The following KIFC3 variants were observed in gnomAD, a reference collection of about 807,000 sequenced individuals.
The protein encoded by KIFC3 is kinesin family member C3, also known as kinesin-like protein KIFC3.
A neutral mutation model predicts 101.8 loss-of-function variants in KIFC3; 60 were observed. The observed-to-expected ratio is 0.59, with a 90% CI of 0.48 to 0.73. KIFC3 has a LOEUF of 0.73. Among genes scored for constraint, KIFC3 ranks in the 30% least tolerant of loss-of-function variants. The probability of loss-of-function intolerance (pLI) is 0.00; values close to 1 mark genes in which losing one functional copy is unlikely to be tolerated. For missense variants in KIFC3, 966 were observed against 1,137.1 expected (o/e 0.85, Z 2.16); for synonymous variants, 476 against 482.7 (o/e 0.99, Z 0.18).
chr16:57,780,667 A>ATTTTTTTTTTTT, intron 3 of KIFC3, among the ~76,000 whole-genome samples: 1 of 69,936 alleles, frequency 1.4e-5, no homozygotes, highest in Non-Finnish European at 2.5e-5. Flanking sequence ...CTGAAGACAA[A>ATTTTTTTTTTTT]TTTTTTTTTT....
chr16:57,840,760 CAAAAAA>C (rs11447265), intron 1 of KIFC3, among the ~76,000 whole-genome samples: 1 of 100,120 alleles, frequency 1.0e-5, no homozygotes, highest in African/African-American at 3.6e-5. Flanking sequence ...AACTCTGTCT[CAAAAAA>C]AAAAAAAAAA....
At position 57,798,138 on chromosome 16, in the gene KIFC3, C is replaced by T. The variant is rs1490379083; in HGVS notation, c.106G>A (p.Ala36Thr). ...GCGGCCGGGCTGGCTGGGGCTGGGG[C>T]GGGGCGAGCCATCCCCGGCTCGGGC... ...PEPEPGMARP[A>T]PAPASPAARP... Residue 36 changes from alanine to threonine, a missense_variant, in exon 2 of 20, where the codon GCC becomes ACC. Coordinates refer to ENST00000445690, the MANE Select transcript of KIFC3 (RefSeq NM_001130100.2). 14 of 1,554,284 alleles carry T rather than the reference C, an allele frequency of 9.0e-6. No individual in the cohort carries two copies. The highest frequency in any genetic ancestry group is 1.8e-4 in the Middle Eastern group (1 of 5,608).
rs782339608 is a variant in KIFC3, at chr16:57,760,925, G to A, written c.2033C>T (p.Ser678Leu). Residue 678 changes from serine to leucine, a missense_variant, in exon 16 of 20, where the codon TCG (serine) becomes TTG (leucine). Ser to Leu is a moderately radical substitution (Grantham distance 145). Around this residue, in one of 2 missense-constraint regions of KIFC3, gnomAD observed 689 missense variants for 884.6 expected, o/e 0.78. Coordinates refer to ENST00000445690, the MANE Select transcript of KIFC3 (RefSeq NM_001130100.2). ...GGCCCCCGACTTGCCCACGCGCTCC[G>A]AGCCAGCCAAGTCCACCAGGTTCAG... ...GKLNLVDLAG[S>L]ERVGKSGAEG... 18 of 1,607,134 alleles carry A rather than the reference G, an allele frequency of 1.1e-5. No individual in the cohort carries two copies. The highest frequency in any genetic ancestry group is 2.7e-5 in the African/African-American group (2 of 74,834).
intron 3 of KIFC3, among the ~76,000 whole-genome samples, chr16:57,777,660 G>A (rs537124073): frequency 6.6e-6 from 1 of 151,882 alleles, no homozygotes; most frequent in Non-Finnish European, 1.5e-5. Context: ...GGCAGAGGTC[G>A]CAGTGAGCTG....
chr16:57,770,009 A>G, intron 7 of KIFC3, 54 bp from the exon 8 acceptor site: 1 of 1,576,826 alleles, frequency 6.3e-7, no homozygotes, highest in Non-Finnish European at 8.6e-7. Context: ...AGAGAGGGGC[A>G]GGTGCCACAC....
rs554896062 is a variant in KIFC3, at chr16:57,788,625, C to T, written c.315+6374G>A. ...ACCAGCTTCCCGGGCCTCCCGGGCC[C>T]GCCTGGGGGCCGGCGCCTGTCTCTT... On this transcript the variant is annotated intron_variant, in intron 3 of 19. Transcript: ENST00000445690. The T allele has an allele frequency of 1.9e-5, 24 of 1,289,520 alleles. 1 individual carries two copies. Among genetic ancestry groups the T allele is most frequent in the African/African-American group, 6.1e-5 (4 of 65,976 alleles). The allele number at this position is 1,289,520 out of a possible 1,614,324, so 79.9% of individuals were successfully genotyped here.
rs143258696 is a variant in KIFC3, at chr16:57,850,278, C to A, written c.108+12451G>T. On this transcript the variant is annotated intron_variant, in intron 1 of 2. Coordinates refer to the KIFC3 transcript ENST00000563028. ...ATTAGCCGGGCATGGTGGCATGCAC[C>A]TGTAGTCCCAGCTATTCAGGAGGCT... Among the ~76,000 whole-genome samples, 452 of 150,884 alleles carry A rather than the reference C, an allele frequency of 3.0e-3. 5 individuals are homozygous for A. Among genetic ancestry groups the A allele is most frequent in the African/African-American group, 0.011 (442 of 41,128 alleles).
intron 3 of KIFC3, among the ~76,000 whole-genome samples, chr16:57,784,175 G>A (rs1250547723): frequency 2.0e-5 from 3 of 152,234 alleles, no homozygotes; most frequent in Admixed American, 6.5e-5. Context: ...GGTATCCCCC[G>A]TGCCCAGCTC....
chr16:57,761,422 G>C lies in KIFC3; in HGVS notation c.1863C>G (p.Asp621Glu). The C allele has an allele frequency of 1.2e-6, 2 of 1,614,030 alleles. No homozygotes were observed. Among genetic ancestry groups the C allele is most frequent in the Non-Finnish European group, 1.7e-6 (2 of 1,179,934 alleles). The change falls in exon 14 of 20, where the codon GAC becomes GAG. Residue 621 changes from aspartate (D) to glutamate (E), a missense_variant. By Grantham distance (45) the Asp-to-Glu change is conservative. Around this residue, in one of 2 missense-constraint regions of KIFC3, gnomAD observed 689 missense variants for 884.6 expected, o/e 0.78. Transcript: ENST00000445690. ...GCTCCCGCCTCCACACCTTGTTGAT[G>C]TCGTCCACGCTCTGCACTTGGAACT... ...LTEFQVQSVD[D>E]INKVFEFGHT... is the part of the protein sequence containing the mutation.
At position 57,798,206 on chromosome 16, in the gene KIFC3, G is replaced by T. The variant is rs782518915; in HGVS notation, c.38C>A (p.Thr13Lys). Residue 13 changes from threonine to lysine, a missense_variant, in exon 2 of 20, where the codon ACG becomes AAG. This residue lies in a region of KIFC3 where 277 missense variants were observed against 252.5 expected (regional missense o/e 1.10). Transcript: ENST00000445690. Reference protein sequence around the residue: ...PSRRTWNLGATPSLRGLWRVG... With the variant: ...PSRRTWNLGAKPSLRGLWRVG... ...TCTCCACAGGCCCCGCAGCGAGGGC[G>T]TGGCTCCCAGGTTCCACGTCCTGCG... is the stretch of plus-strand genomic sequence containing the variant. 2 of 1,546,322 alleles carry T rather than the reference G, an allele frequency of 1.3e-6. No homozygotes were observed. Among genetic ancestry groups the T allele is most frequent in the Non-Finnish European group, 1.7e-6 (2 of 1,145,938 alleles).
Position 57,758,829 on chromosome 16 carries a change from G to A in KIFC3, c.*105C>T, listed in dbSNP as rs782688293. The A allele has an allele frequency of 6.2e-7, 1 of 1,601,510 alleles. No individual in the cohort carries two copies. Among genetic ancestry groups the A allele is most frequent in the Non-Finnish European group, 8.5e-7 (1 of 1,171,552 alleles). On this transcript the variant is annotated 3_prime_UTR_variant, in exon 20 of 20. Transcript: ENST00000445690. Reference sequence around the variant, plus strand: ...CTCTACCTCCGGGGGTCCTGGCGCTGCAGCAGGGACAGGCCAGTGAGGGCC... The same window carrying A: ...CTCTACCTCCGGGGGTCCTGGCGCTACAGCAGGGACAGGCCAGTGAGGGCC...
At chr16:57,784,922 A>G (rs1478576564) in intron 3 of KIFC3, among the ~76,000 whole-genome samples, 3 of 152,182 alleles carry the variant, frequency 2.0e-5, no homozygotes, top group African/African-American at 7.2e-5. Context: ...GACAACGCTG[A>G]CCTGCATGAA....
At chr16:57,836,801 C>A (rs187988005) in intron 1 of KIFC3, among the ~76,000 whole-genome samples, 14 of 152,250 alleles carry the variant, frequency 9.2e-5, no homozygotes, top group African/African-American at 3.4e-4. Flanking sequence ...ATACAATCCT[C>A]CCACCTCAGC....
At position 57,761,584 on chromosome 16, in the gene KIFC3, C is replaced by T. The variant is rs781962013; in HGVS notation, c.1749-48G>A. On this transcript the variant is annotated intron_variant, in intron 13 of 19. Coordinates refer to ENST00000445690, the MANE Select transcript of KIFC3 (RefSeq NM_001130100.2). ...CACCCCCTCCTCCCATTTCCAGCTG[C>T]TGTTTGCACTGCACCCAGCCCCCCA... The T allele has an allele frequency of 3.1e-6, 5 of 1,593,924 alleles. No individual in the cohort carries two copies. The Admixed American group carries it at 6.7e-5, about 21-fold the overall frequency.
chr16:57,778,739 T>C (rs1330935451), intron 3 of KIFC3, among the ~76,000 whole-genome samples: 1 of 152,044 alleles, frequency 6.6e-6, no homozygotes, highest in Non-Finnish European at 1.5e-5. Context: ...GCACACCTAT[T>C]AGGATGGCTG....
intron 9 of KIFC3, among the ~76,000 whole-genome samples, chr16:57,768,243 G>A (rs1396207387): frequency 6.6e-6 from 1 of 152,140 alleles, no homozygotes. Flanking sequence ...CTATCCAGGA[G>A]GCTGAGGCAG....
chr16:57,845,833 TTTCCTC>T (rs1381317899), intron 1 of KIFC3, among the ~76,000 whole-genome samples: 2 of 152,200 alleles, frequency 1.3e-5, no homozygotes, highest in African/African-American at 4.8e-5. Context: ...TATTCCCTGT[TTTCCTC>T]TGTGAGGGAG....
chr16:57,819,929 C>A (rs1011724240), intron 1 of KIFC3, among the ~76,000 whole-genome samples: 2 of 151,934 alleles, frequency 1.3e-5, no homozygotes, highest in African/African-American at 4.8e-5. Context: ...AGTGCAATGG[C>A]ACGATCTCGG....
chr16:57,797,925 C>G, intron 2 of KIFC3, 147 bp downstream of exon 2: 1 of 1,511,928 alleles, frequency 6.6e-7, no homozygotes, highest in South Asian at 1.3e-5. Context: ...TCCGGCTCCA[C>G]GCCCGCCTGG....
Sources: allele counts gnomAD v4.1 joint callset (sites outside exome capture counted in the v4.1 genomes callset), GRCh38; gene constraint gnomAD v4.1.1; regional missense constraint gnomAD v4.1.1; transcripts MANE v1.5; gene names NCBI Gene and HGNC (gene_info 2026-07-23, HGNC 2026-07-21).